Variants in VPS8 observed in about 807,000 individuals in gnomAD.
The protein encoded by VPS8 is VPS8 subunit of CORVET complex, also known as vacuolar protein sorting-associated protein 8 homolog.
Under a neutral mutation model 216.4 loss-of-function variants are expected in VPS8, and 129 were observed. The observed-to-expected ratio is 0.60, with a 90% CI of 0.52 to 0.69. The LOEUF (loss-of-function observed/expected upper bound fraction) is 0.69. VPS8 is among the 30% of genes least tolerant of loss of function. The probability of loss-of-function intolerance (pLI) is 0.00; values close to 1 mark genes in which losing one functional copy is unlikely to be tolerated. For missense variants in VPS8, 1,531 were observed against 1,683.5 expected, an observed-to-expected ratio of 0.91 and a Z score of 1.59; for synonymous variants, 571 against 565.4, an observed-to-expected ratio of 1.01 and a Z score of -0.14.
intron 3 of VPS8, 92 bp from the exon 4 acceptor site, chr3:184,832,597 A>G: frequency 4.4e-6 from 5 of 1,134,472 alleles, no homozygotes; most frequent in Non-Finnish European, 6.1e-6. Flanking sequence ...AGAAATAAGC[A>G]CTTGTGTGCT....
chr3:184,838,887 A>G, intron 6 of VPS8, 141 bp downstream of exon 6: 1 of 654,272 alleles, frequency 1.5e-6, no homozygotes. Context: ...AATCAGGTTT[A>G]ACATTTATCC....
At chr3:184,936,478 T>C (rs2109289629) in intron 35 of VPS8, 143 bp downstream of exon 35, 1 of 761,282 alleles carries the variant, frequency 1.3e-6, no homozygotes, top group East Asian at 2.7e-5. Context: ...AAAGTGATTG[T>C]GGTTTTTGCC....
intron 42 of VPS8, among the ~76,000 whole-genome samples, chr3:184,990,027 C>G (rs1204136397): frequency 2.0e-5 from 3 of 151,966 alleles, no homozygotes; most frequent in Admixed American, 2.0e-4. Flanking sequence ...GAGCCGAGAC[C>G]ACGCCACTGC....
At position 184,911,944 on chromosome 3, in the gene VPS8, C is replaced by T. The variant is rs543197907; in HGVS notation, c.2147-1575C>T. ...CATAAAGCCTTCAGTTTGTGTCCGG[C>T]GTAGTGCCCATATCTAACTCTTATG... is the stretch of plus-strand genomic sequence containing the variant. On this transcript the variant is annotated intron_variant, in intron 25 of 47. Coordinates refer to ENST00000625842, the MANE Select transcript of VPS8 (RefSeq NM_001009921.3). Among the ~76,000 whole-genome samples, 10 of 152,322 alleles carry T rather than the reference C, an allele frequency of 6.6e-5. No individual in the cohort carries two copies. In the South Asian group the frequency reaches 8.3e-4, roughly 13 times the overall value.
intron 25 of VPS8, among the ~76,000 whole-genome samples, chr3:184,902,633 C>T (rs1734748107): frequency 6.6e-6 from 1 of 151,344 alleles, no homozygotes; most frequent in Non-Finnish European, 1.5e-5. Context: ...AGTTCGAGAC[C>T]AGCCTGGCCA....
intron 47 of VPS8, among the ~76,000 whole-genome samples, chr3:185,050,849 C>T (rs975199810): frequency 3.9e-5 from 6 of 152,146 alleles, no homozygotes; most frequent in African/African-American, 9.7e-5. Flanking sequence ...TGTGAGCCTA[C>T]ACAGGGTCCC....
Position 184,835,957 on chromosome 3 carries a change from C to T in VPS8, c.447+1215C>T, listed in dbSNP as rs1166071345. Among the ~76,000 whole-genome samples the T allele has an allele frequency of 2.6e-5, 4 of 152,242 alleles. No individual in the cohort carries two copies. The East Asian group carries it at 5.8e-4, about 22-fold the overall frequency. Reference sequence around the variant, plus strand: ...ATCTCCTGACCTTGTGATCCGCCCGCCTCAGCCTCCCAAAGTGCTAGGATT... The same window carrying T: ...ATCTCCTGACCTTGTGATCCGCCCGTCTCAGCCTCCCAAAGTGCTAGGATT... On this transcript the variant is annotated intron_variant, in intron 5 of 47. Coordinates refer to ENST00000625842, the MANE Select transcript of VPS8 (RefSeq NM_001009921.3).
intron 25 of VPS8, among the ~76,000 whole-genome samples, chr3:184,911,234 G>A (rs1050298602): frequency 1.3e-5 from 2 of 152,200 alleles, no homozygotes; most frequent in Admixed American, 1.3e-4. Context: ...CACTATTCTC[G>A]ATGCTAGAAA....
intron 2 of VPS8, among the ~76,000 whole-genome samples, chr3:184,825,940 T>C (rs1718671395): frequency 6.6e-6 from 1 of 151,816 alleles, no homozygotes; most frequent in Non-Finnish European, 1.5e-5. Flanking sequence ...GCTGTCAGGA[T>C]AGTGCAGTTA....
chr3:184,924,798 T>TA (rs1739273090), intron 29 of VPS8, 64 bp from the exon 30 acceptor site: 1 of 1,147,738 alleles, frequency 8.7e-7, no homozygotes, highest in South Asian at 1.5e-5. Flanking sequence ...CTTCTAATTG[T>TA]ATTTTTTTTT....
At chr3:184,903,262 T>C (rs1251384108) in intron 25 of VPS8, among the ~76,000 whole-genome samples, 4 of 152,206 alleles carry the variant, frequency 2.6e-5, no homozygotes, top group African/African-American at 7.2e-5. Flanking sequence ...TTGGTTTATC[T>C]AGTACAGATT....
intron 25 of VPS8, among the ~76,000 whole-genome samples, chr3:184,902,119 C>CG (rs1332400974): frequency 1.6e-4 from 23 of 147,714 alleles, no homozygotes; most frequent in Non-Finnish European, 3.0e-4. Context: ...TAGCCCCCCC[C>CG]CCCTTTTTTT....
chr3:184,832,645 G>A, intron 3 of VPS8, 44 bp from the exon 4 acceptor site: 3 of 1,545,546 alleles, frequency 1.9e-6, no homozygotes, highest in South Asian at 1.2e-5. Context: ...ATTTCATAGA[G>A]TATTTGGATT....
intron 37 of VPS8, among the ~76,000 whole-genome samples, chr3:184,959,977 A>G (rs1335166680): frequency 6.6e-6 from 1 of 151,818 alleles, no homozygotes; most frequent in East Asian, 1.9e-4. Flanking sequence ...TCCTAATGCT[A>G]TCCCTCCCCA....
intron 21 of VPS8, chr3:184,882,452 A>G (rs1027608614): frequency 6.9e-6 from 3 of 437,938 alleles, no homozygotes; most frequent in Non-Finnish European, 4.6e-6. Context: ...CTTTTTATGT[A>G]ATTGTGAATT....
intron 16 of VPS8, among the ~76,000 whole-genome samples, chr3:184,864,947 A>G (rs1432283501): frequency 6.6e-6 from 1 of 152,224 alleles, no homozygotes; most frequent in Non-Finnish European, 1.5e-5. Flanking sequence ...TATACTCTTT[A>G]GTTAAAAAAG....
intron 10 of VPS8, 140 bp downstream of exon 10, chr3:184,850,162 C>T (rs1723981576): frequency 1.5e-6 from 1 of 664,290 alleles, no homozygotes; most frequent in Non-Finnish European, 2.5e-6. Context: ...TAAATAGAAT[C>T]CTCAACATTG....
chr3:185,048,606 T>C (rs757921850), intron 47 of VPS8, 47 bp downstream of exon 47: 1 of 1,601,786 alleles, frequency 6.2e-7, no homozygotes, highest in South Asian at 1.1e-5. Context: ...TATTTATAGT[T>C]TACTGCTTTA....
chr3:184,893,465 G>T (rs1201450468), intron 22 of VPS8: 1 of 701,192 alleles, frequency 1.4e-6, no homozygotes, highest in East Asian at 8.9e-5. Context: ...AATGAACAAA[G>T]AAGTGAATGA....
Sources: allele counts gnomAD v4.1 joint callset (sites outside exome capture counted in the v4.1 genomes callset), GRCh38; gene constraint gnomAD v4.1.1; transcripts MANE v1.5; gene names NCBI Gene and HGNC (gene_info 2026-07-23, HGNC 2026-07-21).